The following SGK3 variants were observed in gnomAD, a reference collection of about 807,000 sequenced individuals.
SGK3 encodes serine/threonine-protein kinase Sgk3.
In SGK3, 47 loss-of-function variants were observed where a neutral mutation model predicts 68.5. The ratio of observed to expected loss-of-function variants is 0.69; its 90% CI spans 0.54 to 0.87. The LOEUF (loss-of-function observed/expected upper bound fraction) is 0.87. Ranked by LOEUF, SGK3 falls within the 40% of genes least tolerant of loss-of-function variation. SGK3 has a pLI of 0.00. For missense variants in SGK3, 479 were observed against 575.5 expected (o/e 0.83, Z 1.72); for synonymous variants, 181 against 189.1 (o/e 0.96, Z 0.35).
chr8:66,778,846 G>A (rs1367041688), intron 1 of SGK3, among the ~76,000 whole-genome samples: 1 of 152,262 alleles, frequency 6.6e-6, no homozygotes, highest in African/African-American at 2.4e-5. Flanking sequence ...TTAAAAGTAC[G>A]CAGTAAATTC....
chr8:66,799,038 G>A (rs1807818055), intron 3 of SGK3, among the ~76,000 whole-genome samples: 1 of 152,150 alleles, frequency 6.6e-6, no homozygotes, highest in Admixed American at 6.5e-5. Context: ...ATATGTCTTA[G>A]GTTCCAGATT....
At chr8:66,785,613 A>G (rs1563625966) in intron 1 of SGK3, among the ~76,000 whole-genome samples, 1 of 152,186 alleles carries the variant, frequency 6.6e-6, no homozygotes, top group African/African-American at 2.4e-5. Context: ...GACATTGCCA[A>G]ATATCCTCTA....
At chr8:66,787,994 G>A (rs913976423) in intron 1 of SGK3, among the ~76,000 whole-genome samples, 3 of 152,072 alleles carry the variant, frequency 2.0e-5, no homozygotes. Context: ...TCTCTTTCAG[G>A]CCATCCCTGA....
intron 2 of SGK3, among the ~76,000 whole-genome samples, chr8:66,796,857 T>TA (rs1329599472): frequency 6.6e-6 from 1 of 151,732 alleles, no homozygotes; most frequent in Non-Finnish European, 1.5e-5. Flanking sequence ...AATAAGGAAA[T>TA]ATGCAAATAA....
At chr8:66,770,427 T>A (rs1806470537) in intron 1 of SGK3, among the ~76,000 whole-genome samples, 1 of 152,246 alleles carries the variant, frequency 6.6e-6, no homozygotes, top group South Asian at 2.1e-4. Context: ...TGATTTGAGA[T>A]AGAGTTAAAT....
chr8:66,836,057 T>G lies in SGK3; in HGVS notation c.724T>G (p.Phe242Val). ...TGAAAAGCTTTATTTTGTTCTGGAT[T>G]TTGTTAATGGAGGGGAGGTGAGTTT... ...TTEKLYFVLD[F>V]VNGGELFFHL... is the part of the protein sequence containing the mutation. Residue 242 changes from phenylalanine (F) to valine (V), a missense_variant, in exon 10 of 17, where the codon TTT (phenylalanine) becomes GTT (valine). By Grantham distance (50) the Phe-to-Val change is conservative. This residue lies in a region of SGK3 where 298 missense variants were observed against 329.4 expected (regional missense o/e 0.90). Coordinates refer to ENST00000521198, the MANE Select transcript of SGK3 (RefSeq NM_001033578.3). 6.2e-7 allele frequency: 1 copy of G among 1,612,706 alleles called. No homozygotes were observed.
Position 66,841,011 on chromosome 8 carries a change from C to T in SGK3, c.892-13C>T. The T allele has an allele frequency of 6.4e-7, 1 of 1,562,392 alleles. No homozygotes were observed. ...TATGCATTGTTTTATCTTACTGCCCCTGTATTTGTCAGGGACATGTTGTCT... is the reference window on the plus strand; with the variant it reads ...TATGCATTGTTTTATCTTACTGCCCTTGTATTTGTCAGGGACATGTTGTCT... On this transcript the variant is annotated splice_polypyrimidine_tract_variant and intron_variant, in intron 12 of 16. Coordinates refer to ENST00000521198, the MANE Select transcript of SGK3 (RefSeq NM_001033578.3).
At chr8:66,729,312 C>G (rs1480319032) in intron 1 of SGK3, among the ~76,000 whole-genome samples, 1 of 140,138 alleles carries the variant, frequency 7.1e-6, no homozygotes, top group African/African-American at 2.7e-5. Flanking sequence ...AAAAATTAGC[C>G]AGGCGTGGTG....
intron 4 of SGK3, among the ~76,000 whole-genome samples, chr8:66,813,226 C>T (rs997777800): frequency 2.6e-5 from 4 of 152,144 alleles, no homozygotes; most frequent in Non-Finnish European, 5.9e-5. Context: ...TGCACTCCAG[C>T]CTGGGCAACA....
At chr8:66,794,927 T>C (rs1807615499) in intron 2 of SGK3, among the ~76,000 whole-genome samples, 2 of 152,198 alleles carry the variant, frequency 1.3e-5, no homozygotes, top group South Asian at 4.1e-4. Flanking sequence ...AACTAACCTG[T>C]GATCTCTTTG....
At chr8:66,770,555 C>CT (rs1456063081) in intron 1 of SGK3, among the ~76,000 whole-genome samples, 14 of 152,128 alleles carry the variant, frequency 9.2e-5, no homozygotes, top group African/African-American at 3.1e-4. Context: ...CCTCCCCAGT[C>CT]TAAGTAAGGT....
chr8:66,800,375 A>ATTTTT (rs1807887362), intron 3 of SGK3, among the ~76,000 whole-genome samples: 1 of 110,180 alleles, frequency 9.1e-6, no homozygotes, highest in Non-Finnish European at 1.9e-5. Flanking sequence ...GAGTTTTTTC[A>ATTTTT]TTTCTTTTTT....
chr8:66,829,624 A>G (rs779762635), intron 7 of SGK3, among the ~76,000 whole-genome samples: 28 of 152,218 alleles, frequency 1.8e-4, no homozygotes, highest in Admixed American at 1.3e-4. Context: ...TCATGAAGTC[A>G]TTGGTGACTT....
At chr8:66,853,352 G>A (rs546467813) in intron 16 of SGK3, among the ~76,000 whole-genome samples, 29 of 152,186 alleles carry the variant, frequency 1.9e-4, no homozygotes, top group Non-Finnish European at 2.1e-4. Flanking sequence ...CAAAAAAGCA[G>A]ATGCCTCATA....
At chr8:66,771,900 T>C (rs1441651838) in intron 1 of SGK3, among the ~76,000 whole-genome samples, 1 of 151,508 alleles carries the variant, frequency 6.6e-6, no homozygotes, top group Non-Finnish European at 1.5e-5. Context: ...TACTTAATAA[T>C]AATTTACTTC....
chr8:66,787,980 C>T (rs1807278260), intron 1 of SGK3, among the ~76,000 whole-genome samples: 1 of 152,208 alleles, frequency 6.6e-6, no homozygotes, highest in African/African-American at 2.4e-5. Flanking sequence ...TTTCCCTTCA[C>T]CCCTCTCTTT....
chr8:66,793,454 G>A (rs1807547799), intron 1 of SGK3, among the ~76,000 whole-genome samples, 162 bp from the exon 2 acceptor site: 1 of 152,182 alleles, frequency 6.6e-6, no homozygotes, highest in Non-Finnish European at 1.5e-5. Context: ...GTGGCTTGTA[G>A]TAGGAACATA....
intron 13 of SGK3, among the ~76,000 whole-genome samples, chr8:66,841,740 A>G (rs1424808059): frequency 6.6e-6 from 1 of 152,236 alleles, no homozygotes. Context: ...ATATGGAAAA[A>G]CAAATCACAA....
At chr8:66,852,575 G>A (rs756370727) in intron 16 of SGK3, among the ~76,000 whole-genome samples, 7 of 152,060 alleles carry the variant, frequency 4.6e-5, no homozygotes, top group Non-Finnish European at 1.0e-4. Context: ...TACTGTGCCC[G>A]GCCAGGAATA....
Sources: allele counts gnomAD v4.1 joint callset (sites outside exome capture counted in the v4.1 genomes callset), GRCh38; gene constraint gnomAD v4.1.1; regional missense constraint gnomAD v4.1.1; transcripts MANE v1.5; gene names NCBI Gene and HGNC (gene_info 2026-07-23, HGNC 2026-07-21).